The following CEP112 variants were observed in gnomAD, a reference collection of about 807,000 sequenced individuals.
CEP112 encodes the protein centrosomal protein of 112 kDa.
In CEP112, 127 loss-of-function variants were observed where a neutral mutation model predicts 153.0. The ratio of observed to expected loss-of-function variants is 0.83; its 90% CI spans 0.72 to 0.96. The LOEUF (loss-of-function observed/expected upper bound fraction) is 0.96, where lower values mean the gene tolerates loss of function less well. CEP112 is among the 40% of genes least tolerant of loss of function. The pLI is 0.00. For synonymous variants in CEP112, 358 were observed against 374.4 expected (o/e 0.96, Z 0.51); for missense variants, 1,089 against 1,101.2 (o/e 0.99, Z 0.16).
chr17:66,076,593 GC>G (rs2067508409), intron 8 of CEP112, among the ~76,000 whole-genome samples: 1 of 152,080 alleles, frequency 6.6e-6, no homozygotes, highest in Non-Finnish European at 1.5e-5. Context: ...GCCTAGCCCT[GC>G]CCCCACCTGC....
intron 6 of CEP112, among the ~76,000 whole-genome samples, chr17:66,110,790 A>C (rs1042031657): frequency 1.3e-5 from 2 of 152,172 alleles, no homozygotes; most frequent in Admixed American, 1.3e-4. Flanking sequence ...CATCCTGGAC[A>C]TAGTCCTAGC....
chr17:65,707,861 T>C (rs956093143), intron 23 of CEP112, among the ~76,000 whole-genome samples: 12 of 152,258 alleles, frequency 7.9e-5, no homozygotes, highest in Admixed American at 5.2e-4. Flanking sequence ...GTGAAAGAAC[T>C]GGTGTGATTC....
chr17:65,916,807 G>A (rs183158160), intron 19 of CEP112, among the ~76,000 whole-genome samples: 133 of 151,896 alleles, frequency 8.8e-4, no homozygotes, highest in Non-Finnish European at 1.7e-3. Context: ...TGGGCCTCCT[G>A]AGTTACTGGA....
At chr17:65,768,887 C>T (rs2053168735) in intron 21 of CEP112, among the ~76,000 whole-genome samples, 1 of 152,012 alleles carries the variant, frequency 6.6e-6, no homozygotes, top group Non-Finnish European at 1.5e-5. Flanking sequence ...GTAAGGATGC[C>T]AACTCTTAGC....
intron 21 of CEP112, among the ~76,000 whole-genome samples, chr17:65,838,582 C>T (rs1216337781): frequency 1.3e-5 from 2 of 151,942 alleles, no homozygotes; most frequent in Non-Finnish European, 2.9e-5. Context: ...TCTAACACTG[C>T]ACTTCTAGGA....
At chr17:65,892,752 A>G (rs929348406) in intron 20 of CEP112, among the ~76,000 whole-genome samples, 2 of 152,064 alleles carry the variant, frequency 1.3e-5, no homozygotes, top group Non-Finnish European at 2.9e-5. Flanking sequence ...AAAGTTTTCA[A>G]CCCTCACACT....
intron 21 of CEP112, among the ~76,000 whole-genome samples, chr17:65,821,583 G>T (rs2056587138): frequency 9.9e-6 from 1 of 100,642 alleles, no homozygotes. Flanking sequence ...ACGGAGTCTT[G>T]CTCTGTCGCC....
rs565498603 is a variant in CEP112 at position 65,718,126 on chromosome 17, C to T, written c.2607+24942G>A. On this transcript the variant is annotated intron_variant, in intron 23 of 26. Coordinates refer to ENST00000535342, the MANE Select transcript of CEP112 (RefSeq NM_001199165.4). ...TCAATCAAATATTTACTATTTTTGG[C>T]TGGGCGCGGTGGCTCACGCCTGTAA... is the stretch of plus-strand genomic sequence containing the variant. Among the ~76,000 whole-genome samples, 5 of 152,270 alleles carry T rather than the reference C, an allele frequency of 3.3e-5. No homozygotes were observed. The South Asian group carries it at 1.0e-3, about 32-fold the overall frequency.
intron 6 of CEP112, among the ~76,000 whole-genome samples, chr17:66,097,619 A>G (rs1167118669): frequency 6.6e-6 from 1 of 152,200 alleles, no homozygotes; most frequent in Non-Finnish European, 1.5e-5. Flanking sequence ...TTGAGTGTTT[A>G]TCAGTATGTC....
At chr17:66,017,999 C>CA (rs57700701) in intron 16 of CEP112, among the ~76,000 whole-genome samples, 1,930 of 135,496 alleles carry the variant, frequency 0.014, 19 homozygotes, top group African/African-American at 0.027. Flanking sequence ...GACTCTGTCT[C>CA]AAAAAAAAAA....
intron 6 of CEP112, 79 bp from the exon 7 acceptor site, chr17:66,096,711 A>C: frequency 1.2e-6 from 1 of 869,490 alleles, no homozygotes; most frequent in Admixed American, 2.4e-5. Flanking sequence ...ATATAGAATT[A>C]AGCTGCCATA....
At position 66,029,189 on chromosome 17, in the gene CEP112, C is replaced by T. The variant is rs569136460; in HGVS notation, c.1437G>A (p.Leu479=). The change falls in exon 14 of 27, where the codon CTG becomes CTA. Residue 479 remains leucine, a synonymous_variant. Transcript: ENST00000535342. ...TATCAGCATCATATTTGGTTTGTAA[C>T]AGTTTCATGTTTTGCTCATAATCAT... ...LVNDYEQNMK[L]LQTKYDADIN... is the part of the protein sequence containing the mutation. 14 of 1,611,068 alleles carry T rather than the reference C, an allele frequency of 8.7e-6. No individual in the cohort carries two copies. The South Asian group carries it at 1.1e-4, about 13-fold the overall frequency.
chr17:66,188,584 GTTTT>G (rs56059206), intron 1 of CEP112, among the ~76,000 whole-genome samples: 57,487 of 147,844 alleles, frequency 0.39, 11,772 homozygotes, highest in Non-Finnish European at 0.46. Flanking sequence ...TTATCATGCT[GTTTT>G]TTTTTTTTTT....
At chr17:65,991,930 C>T (rs557461530) in intron 17 of CEP112, among the ~76,000 whole-genome samples, 2 of 152,026 alleles carry the variant, frequency 1.3e-5, no homozygotes, top group East Asian at 3.9e-4. Flanking sequence ...TCCCTGTCTA[C>T]CAAAATTCAA....
At chr17:66,037,148 A>C (rs1348901263) in intron 12 of CEP112, among the ~76,000 whole-genome samples, 5 of 152,178 alleles carry the variant, frequency 3.3e-5, no homozygotes, top group Non-Finnish European at 5.9e-5. Context: ...TTACCATAAA[A>C]TGTCTCCTAA....
intron 19 of CEP112, among the ~76,000 whole-genome samples, chr17:65,907,681 T>G (rs1220083367): frequency 6.6e-6 from 1 of 152,128 alleles, no homozygotes. Flanking sequence ...AACCCTAATG[T>G]TGGGGGAATA....
chr17:66,065,622 T>C (rs1859701161), intron 10 of CEP112, among the ~76,000 whole-genome samples: 1 of 139,138 alleles, frequency 7.2e-6, no homozygotes, highest in Admixed American at 8.3e-5. Context: ...TCTTAATATT[T>C]TAAAATCTTT....
intron 4 of CEP112, among the ~76,000 whole-genome samples, chr17:66,137,044 G>A (rs1425975983): frequency 6.6e-6 from 1 of 151,608 alleles, no homozygotes; most frequent in Non-Finnish European, 1.5e-5. Flanking sequence ...AAGAAATGAA[G>A]GTAAATGGAT....
At chr17:66,039,656 T>C (rs1019318596) in intron 12 of CEP112, among the ~76,000 whole-genome samples, 17 of 152,126 alleles carry the variant, frequency 1.1e-4, no homozygotes, top group Non-Finnish European at 1.5e-5. Flanking sequence ...ATCTTAAAAA[T>C]AAATTCTGAT....
Sources: gnomAD v4.1 joint callset for allele counts (sites outside exome capture counted in the v4.1 genomes callset) on GRCh38, gnomAD v4.1.1 for gene constraint, MANE v1.5 for transcripts, NCBI Gene and HGNC (gene_info 2026-07-23, HGNC 2026-07-21) for gene names.